Variants in NHS observed in about 807,000 individuals in gnomAD.
NHS encodes NHS actin remodeling regulator.
In NHS, 5 loss-of-function variants were observed where a neutral mutation model predicts 72.5. That is an observed-to-expected ratio of 0.07 (90% confidence interval 0.04 to 0.14). NHS has a LOEUF of 0.14. NHS is among the 10% of genes least tolerant of loss of function. NHS has a pLI of 1.00. For missense variants in NHS, 1,072 were observed against 1,355.7 expected (o/e 0.79, Z 3.29); for synonymous variants, 464 against 547.7 (o/e 0.85, Z 2.13).
At chrX:17,397,775 C>T (rs982332741) in intron 1 of NHS, among the ~76,000 whole-genome samples, 3 of 112,094 alleles carry the variant, frequency 2.7e-5, no homozygotes, top group African/African-American at 9.7e-5. Flanking sequence ...GTTTGCTCAT[C>T]CATTCATCCA....
intron 1 of NHS, among the ~76,000 whole-genome samples, chrX:17,646,103 C>T (rs979453879): frequency 9.0e-6 from 1 of 111,452 alleles, no homozygotes; most frequent in Non-Finnish European, 1.9e-5. Flanking sequence ...CCACCATGCC[C>T]AGCTAATTTT....
Position 17,684,886 on chromosome X carries a change from T to C in NHS, c.566-2856T>C, listed in dbSNP as rs139241372. ...CAAATAAACAGAGGAAAAACCTTCT[T>C]GCTTTGCTTTGTTCCATTTTTATGA... On this transcript the variant is annotated intron_variant, in intron 1 of 8. Transcript: ENST00000676302. 4.8e-4 allele frequency among the ~76,000 whole-genome samples: 54 copies of C among 111,917 alleles called. No individual in the cohort carries two copies. The East Asian group carries it at 0.015, about 31-fold the overall frequency.
intron 1 of NHS, among the ~76,000 whole-genome samples, chrX:17,576,429 C>T (rs1006547628): frequency 9.0e-6 from 1 of 111,707 alleles, no homozygotes; most frequent in African/African-American, 3.3e-5. Context: ...CATTTTTTCT[C>T]ATCACCCCAC....
At chrX:17,436,144 G>GTTGT (rs769747908) in intron 1 of NHS, among the ~76,000 whole-genome samples, 70 of 111,846 alleles carry the variant, frequency 6.3e-4, no homozygotes, top group Non-Finnish European at 1.1e-3. Flanking sequence ...TTTTGTTGTT[G>GTTGT]TTGTTTGTTT....
intron 1 of NHS, among the ~76,000 whole-genome samples, chrX:17,458,360 C>G (rs192846550): frequency 1.8e-5 from 2 of 111,610 alleles, no homozygotes; most frequent in South Asian, 3.8e-4. Context: ...TGCTGAGTAG[C>G]TGAGACCACA....
intron 1 of NHS, among the ~76,000 whole-genome samples, chrX:17,606,896 G>A (rs1312291516): frequency 1.8e-5 from 2 of 112,269 alleles, no homozygotes; most frequent in Non-Finnish European, 3.8e-5. Flanking sequence ...CCCAGGAACC[G>A]TTCCAAGTGC....
intron 1 of NHS, among the ~76,000 whole-genome samples, chrX:17,430,259 TTTTCTTTC>T (rs56175001): frequency 0.21 from 10,585 of 51,436 alleles, 1,113 homozygotes; most frequent in South Asian, 0.3. Flanking sequence ...CCCTCTTTCT[TTTTCTTTC>T]TTTCTTTCTT....
chrX:17,429,670 A>G (rs767133709), intron 1 of NHS, among the ~76,000 whole-genome samples: 1 of 111,658 alleles, frequency 9.0e-6, no homozygotes, highest in South Asian at 3.8e-4. Flanking sequence ...TCCATGCATT[A>G]GAAAAGAATG....
chrX:17,601,785 G>C (rs2065650949), intron 1 of NHS, among the ~76,000 whole-genome samples: 1 of 111,654 alleles, frequency 9.0e-6, no homozygotes, highest in African/African-American at 3.3e-5. Context: ...AGTTTTTAAA[G>C]GTTTGCTGTT....
chrX:17,729,622 T>G (rs2066474021), intron 8 of NHS, among the ~76,000 whole-genome samples: 1 of 112,341 alleles, frequency 8.9e-6, no homozygotes, highest in Non-Finnish European at 1.9e-5. Flanking sequence ...TTTCCTCATC[T>G]GCCCCCATGA....
intron 1 of NHS, among the ~76,000 whole-genome samples, chrX:17,610,064 G>T (rs1269638123): frequency 8.9e-6 from 1 of 112,078 alleles, no homozygotes; most frequent in Admixed American, 9.4e-5. Flanking sequence ...TTCTCTTTCA[G>T]TTCTTTCTGA....
chrX:17,590,811 A>T (rs73189156), intron 1 of NHS, among the ~76,000 whole-genome samples: 8 of 111,535 alleles, frequency 7.2e-5, no homozygotes, highest in Non-Finnish European at 1.3e-4. Context: ...ATACACACAC[A>T]TCCCCCCCAA....
chrX:17,438,426 G>A (rs1213307677), intron 1 of NHS, among the ~76,000 whole-genome samples: 2 of 112,184 alleles, frequency 1.8e-5, no homozygotes, highest in Non-Finnish European at 3.8e-5. Flanking sequence ...CAGCGAGTGA[G>A]TCATTTTCCT....
At chrX:17,535,640 A>G (rs2065219422) in intron 1 of NHS, among the ~76,000 whole-genome samples, 2 of 111,407 alleles carry the variant, frequency 1.8e-5, no homozygotes, top group South Asian at 7.6e-4. Context: ...CAGCAGTGTG[A>G]TCACAGGTCC....
intron 1 of NHS, among the ~76,000 whole-genome samples, chrX:17,615,261 CAT>C (rs756380375): frequency 2.2e-4 from 20 of 89,773 alleles, no homozygotes; most frequent in South Asian, 1.9e-3. Flanking sequence ...CATATATACA[CAT>C]ATATATATAT....
chrX:17,389,254 G>A (rs927293879), intron 1 of NHS, among the ~76,000 whole-genome samples: 10 of 112,021 alleles, frequency 8.9e-5, no homozygotes, highest in African/African-American at 3.3e-4. Flanking sequence ...ACACCAGGCA[G>A]GTAATACTAC....
chrX:17,499,972 A>G (rs1016524683), intron 1 of NHS, among the ~76,000 whole-genome samples: 1 of 112,467 alleles, frequency 8.9e-6, no homozygotes, highest in African/African-American at 3.2e-5. Context: ...TCATGTGGAT[A>G]GTCAAATAAC....
intron 1 of NHS, among the ~76,000 whole-genome samples, chrX:17,446,580 C>G (rs1266121565): frequency 3.7e-5 from 4 of 108,552 alleles, no homozygotes; most frequent in Non-Finnish European, 7.6e-5. Context: ...AATGGCCCCA[C>G]CCCTATCTCC....
intron 1 of NHS, among the ~76,000 whole-genome samples, chrX:17,427,214 G>T (rs915351885): frequency 1.8e-5 from 2 of 111,574 alleles, no homozygotes; most frequent in Non-Finnish European, 3.8e-5. Flanking sequence ...GGGAATTGAG[G>T]CTACACTTAA....
Sources: allele counts gnomAD v4.1 joint callset (sites outside exome capture counted in the v4.1 genomes callset), GRCh38; gene constraint gnomAD v4.1.1; transcripts MANE v1.5; gene names NCBI Gene and HGNC (gene_info 2026-07-23, HGNC 2026-07-21).